Variants in CREB5 observed in about 807,000 individuals in gnomAD.
CREB5 encodes cAMP responsive element binding protein 5, also known as cyclic AMP-responsive element-binding protein 5.
CREB5 carries 19 observed loss-of-function variants against 57.1 expected under a neutral mutation model. That is an observed-to-expected ratio of 0.33 (90% confidence interval 0.23 to 0.49). CREB5 has a LOEUF of 0.49. Among genes scored for constraint, CREB5 ranks in the 20% least tolerant of loss-of-function variants. CREB5 has a pLI of 0.99. For missense variants in CREB5, 579 were observed against 671.6 expected, an observed-to-expected ratio of 0.86 and a Z score of 1.52; for synonymous variants, 238 against 238.3, an observed-to-expected ratio of 1.00 and a Z score of 0.01.
chr7:28,522,914 C>A (rs1407089357), intron 4 of CREB5, among the ~76,000 whole-genome samples: 1 of 152,200 alleles, frequency 6.6e-6, no homozygotes, highest in African/African-American at 2.4e-5. Flanking sequence ...ATGCGTAATT[C>A]CAGTTCCCAA....
At chr7:28,521,812 A>T (rs754393959) in intron 4 of CREB5, among the ~76,000 whole-genome samples, 30 of 152,232 alleles carry the variant, frequency 2.0e-4, no homozygotes, top group Admixed American at 8.5e-4. Context: ...AGAATGTGTT[A>T]GGAAAGGATA....
chr7:28,793,574 A>G (rs1257637070), intron 7 of CREB5, among the ~76,000 whole-genome samples: 1 of 152,204 alleles, frequency 6.6e-6, no homozygotes. Flanking sequence ...TCCAGATTCC[A>G]AAGTTTAAGC....
chr7:28,447,840 T>A (rs969779190), intron 1 of CREB5, among the ~76,000 whole-genome samples: 49 of 152,288 alleles, frequency 3.2e-4, no homozygotes, highest in Middle Eastern at 3.4e-3. Context: ...TCTTTTTTAC[T>A]TAGAGAGATA....
At chr7:28,335,773 A>T (rs371514653) in intron 1 of CREB5, among the ~76,000 whole-genome samples, 3 of 152,034 alleles carry the variant, frequency 2.0e-5, no homozygotes, top group African/African-American at 7.2e-5. Flanking sequence ...CATCTTTGTC[A>T]TTTTCTAGAT....
chr7:28,311,429 G>T (rs1229170952), intron 1 of CREB5, among the ~76,000 whole-genome samples: 1 of 152,182 alleles, frequency 6.6e-6, no homozygotes, highest in Non-Finnish European at 1.5e-5. Flanking sequence ...GCAGTGCTTT[G>T]AAAACATATC....
intron 1 of CREB5, among the ~76,000 whole-genome samples, chr7:28,472,482 A>T (rs963126434): frequency 6.6e-6 from 1 of 152,220 alleles, no homozygotes; most frequent in Non-Finnish European, 1.5e-5. Context: ...TTTGACCTCA[A>T]GCTGCAACTA....
chr7:28,301,648 A>G (rs1785099597), intron 1 of CREB5, among the ~76,000 whole-genome samples: 1 of 152,246 alleles, frequency 6.6e-6, no homozygotes, highest in Non-Finnish European at 1.5e-5. Context: ...AAGCATTCTC[A>G]TCTCTGGAAG....
At chr7:28,350,570 A>C (rs967186669) in intron 1 of CREB5, among the ~76,000 whole-genome samples, 21 of 151,966 alleles carry the variant, frequency 1.4e-4, no homozygotes, top group African/African-American at 4.6e-4. Flanking sequence ...GGAAAAAAAA[A>C]CAAGCAAACA....
chr7:28,325,309 G>A (rs1352105224), intron 1 of CREB5, among the ~76,000 whole-genome samples: 4 of 152,134 alleles, frequency 2.6e-5, no homozygotes, highest in Non-Finnish European at 5.9e-5. Flanking sequence ...CAAAAAATTA[G>A]CCAGGCATGG....
intron 5 of CREB5, among the ~76,000 whole-genome samples, chr7:28,670,325 C>T (rs370420694): frequency 3.3e-5 from 5 of 152,246 alleles, no homozygotes; most frequent in African/African-American, 9.6e-5. Flanking sequence ...CTCATTGTAC[C>T]GTACTCACCT....
intron 5 of CREB5, among the ~76,000 whole-genome samples, chr7:28,655,426 G>A (rs1353049496): frequency 6.6e-6 from 1 of 152,024 alleles, no homozygotes; most frequent in Non-Finnish European, 1.5e-5. Context: ...GGGCTGTGTG[G>A]CCATCCTGCT....
chr7:28,818,202 T>G (rs1166022731), intron 10 of CREB5, 23 bp downstream of exon 10: 1 of 1,549,214 alleles, frequency 6.5e-7, no homozygotes, highest in Non-Finnish European at 8.9e-7. Flanking sequence ...CTTTTTCACT[T>G]TTCTTTAGTG....
intron 4 of CREB5, among the ~76,000 whole-genome samples, chr7:28,522,066 C>T (rs980370755): frequency 3.3e-5 from 5 of 152,232 alleles, no homozygotes; most frequent in Admixed American, 6.5e-5. Context: ...ATATTATCCC[C>T]GTTCATCATA....
chr7:28,374,830 C>G (rs1786789474), intron 1 of CREB5, among the ~76,000 whole-genome samples: 1 of 152,160 alleles, frequency 6.6e-6, no homozygotes, highest in African/African-American at 2.4e-5. Context: ...CCAGGTTCAC[C>G]TCATGCCCAG....
chr7:28,324,818 G>A (rs1785554535), intron 1 of CREB5, among the ~76,000 whole-genome samples: 2 of 152,154 alleles, frequency 1.3e-5, no homozygotes, highest in South Asian at 4.1e-4. Context: ...AAACAGAACG[G>A]TTGATACTTT....
chr7:28,380,339 G>A (rs1001527196), intron 1 of CREB5, among the ~76,000 whole-genome samples: 1 of 152,122 alleles, frequency 6.6e-6, no homozygotes, highest in African/African-American at 2.4e-5. Context: ...CTTCGTGGAG[G>A]CTGCTCATCA....
intron 5 of CREB5, among the ~76,000 whole-genome samples, chr7:28,685,781 A>G (rs948600775): frequency 1.3e-5 from 2 of 149,628 alleles, no homozygotes; most frequent in Non-Finnish European, 3.0e-5. Context: ...CTGTAGGGCC[A>G]TCCCCAGCGG....
At chr7:28,652,989 C>A (rs1799204202) in intron 5 of CREB5, among the ~76,000 whole-genome samples, 2 of 152,224 alleles carry the variant, frequency 1.3e-5, no homozygotes, top group South Asian at 4.1e-4. Context: ...CTTGGTATGG[C>A]ATTGAGCTCT....
intron 7 of CREB5, among the ~76,000 whole-genome samples, chr7:28,766,086 T>TAAA (rs5883167): frequency 6.7e-6 from 1 of 149,774 alleles, no homozygotes. Context: ...ACACATCAAC[T>TAAA]AAAAAAAAAA....
Sources: allele counts gnomAD v4.1 joint callset (sites outside exome capture counted in the v4.1 genomes callset), GRCh38; gene constraint gnomAD v4.1.1; transcripts MANE v1.5; gene names NCBI Gene and HGNC (gene_info 2026-07-23, HGNC 2026-07-21).